SPSB4: variants seen among roughly 807,000 people sequenced by gnomAD.
The protein encoded by SPSB4 is SPRY domain-containing SOCS box protein 4.
Under a neutral mutation model 20.9 loss-of-function variants are expected in SPSB4, and 21 were observed. That is an observed-to-expected ratio of 1.01 (90% CI 0.71 to 1.45). SPSB4 has a LOEUF of 1.45. Ranked by LOEUF, SPSB4 falls within the 40% of genes most tolerant of loss-of-function variation. The pLI, the probability that SPSB4 is intolerant of heterozygous loss-of-function variation, is 0.00. For synonymous variants in SPSB4, 207 were observed against 183.8 expected (o/e 1.13, Z -1.02); for missense variants, 399 against 399.2 (o/e 1.00, Z 0.00).
At chr3:141,134,057 T>TTTTTTTTTTTTTTTTTTTTTTTTTTC (rs1939186010) in intron 2 of SPSB4, among the ~76,000 whole-genome samples, 1 of 64,090 alleles carries the variant, frequency 1.6e-5, no homozygotes, top group African/African-American at 9.0e-5. Flanking sequence ...TTCTTTTTTC[T>TTTTTTTTTTTTTTTTTTTTTTTTTTC]TTTTTTTTTT....
intron 1 of SPSB4, among the ~76,000 whole-genome samples, chr3:141,055,937 G>C (rs1245914288): frequency 6.6e-6 from 1 of 152,242 alleles, no homozygotes; most frequent in Non-Finnish European, 1.5e-5. Context: ...AGGAGAGAAG[G>C]CAGCACTGGA....
At chr3:141,098,711 T>G (rs1938578152) in intron 2 of SPSB4, among the ~76,000 whole-genome samples, 5 of 152,246 alleles carry the variant, frequency 3.3e-5, no homozygotes, top group Admixed American at 3.3e-4. Flanking sequence ...TCAAATCTTC[T>G]GCAGATAATG....
chr3:141,086,336 T>C (rs1252012835), intron 2 of SPSB4, among the ~76,000 whole-genome samples: 2 of 152,210 alleles, frequency 1.3e-5, no homozygotes, highest in African/African-American at 4.8e-5. Context: ...GCAGAGTTTA[T>C]GTTCAAACTG....
chr3:141,113,860 C>A (rs1938843787), intron 2 of SPSB4, among the ~76,000 whole-genome samples: 1 of 152,174 alleles, frequency 6.6e-6, no homozygotes, highest in African/African-American at 2.4e-5. Context: ...TTTTGGGAGG[C>A]CAAGGCGGGC....
chr3:141,080,238 A>C (rs1405611283), intron 2 of SPSB4: 2 of 152,236 alleles, frequency 1.3e-5, no homozygotes, highest in African/African-American at 4.8e-5. Flanking sequence ...CATGAGTGGT[A>C]GAGCTGATTT....
intron 2 of SPSB4, among the ~76,000 whole-genome samples, chr3:141,114,317 G>T (rs990684017): frequency 1.3e-5 from 2 of 152,096 alleles, no homozygotes; most frequent in African/African-American, 4.8e-5. Flanking sequence ...CCAGCTGAGG[G>T]TATCTCACTC....
At chr3:141,053,747 TG>T (rs1239553660) in intron 1 of SPSB4, among the ~76,000 whole-genome samples, 1 of 152,200 alleles carries the variant, frequency 6.6e-6, no homozygotes, top group Non-Finnish European at 1.5e-5. Flanking sequence ...TTTTTTTTAA[TG>T]TATCAAATTA....
intron 2 of SPSB4, among the ~76,000 whole-genome samples, chr3:141,074,920 C>T (rs1938077450): frequency 6.6e-6 from 1 of 152,154 alleles, no homozygotes; most frequent in Non-Finnish European, 1.5e-5. Context: ...AGGCAAAGGC[C>T]CCAGACACAG....
chr3:141,147,487 GAC>G lies in SPSB4; in HGVS notation c.*221_*222del. ...CCCTCGAGGCAGCCCTCCCAAGTCA[GAC>G]ACCTCCTTCGGAGCCACAGAGAGCC... On this transcript the variant is annotated 3_prime_UTR_variant, in exon 3 of 3. Transcript: ENST00000310546. 1.5e-6 allele frequency: 1 copy of G among 673,926 alleles called. No individual in the cohort carries two copies. Among genetic ancestry groups the G allele is most frequent in the East Asian group, 3.0e-5 (1 of 33,872 alleles). The allele number at this position is 673,926 out of a possible 1,614,324, so 41.7% of individuals were successfully genotyped here.
intron 2 of SPSB4, among the ~76,000 whole-genome samples, chr3:141,095,547 C>G (rs1345575390): frequency 6.6e-6 from 1 of 152,052 alleles, no homozygotes; most frequent in Admixed American, 6.5e-5. Context: ...CCCACTGCCC[C>G]AGACATCAGG....
At chr3:141,100,568 C>T (rs1485106764) in intron 2 of SPSB4, among the ~76,000 whole-genome samples, 1 of 152,248 alleles carries the variant, frequency 6.6e-6, no homozygotes. Context: ...GGCTTCCAGC[C>T]TCCAGAACTG....
At chr3:141,105,448 G>C (rs144382229) in intron 2 of SPSB4, among the ~76,000 whole-genome samples, 134 of 152,272 alleles carry the variant, frequency 8.8e-4, no homozygotes, top group African/African-American at 3.0e-3. Flanking sequence ...TTGGGTACTT[G>C]CTATATTATG....
At chr3:141,142,057 C>G (rs1939338871) in intron 2 of SPSB4, among the ~76,000 whole-genome samples, 1 of 151,958 alleles carries the variant, frequency 6.6e-6, no homozygotes, top group South Asian at 2.1e-4. Flanking sequence ...CTGCTGTGAT[C>G]TTTGTTATTT....
chr3:141,144,917 T>C (rs1195755310), intron 2 of SPSB4, among the ~76,000 whole-genome samples: 1 of 152,114 alleles, frequency 6.6e-6, no homozygotes, highest in East Asian at 1.9e-4. Flanking sequence ...AACAGCTCAG[T>C]TTTCCTGATG....
At chr3:141,057,976 A>T (rs1175249255) in intron 1 of SPSB4, among the ~76,000 whole-genome samples, 1 of 152,178 alleles carries the variant, frequency 6.6e-6, no homozygotes, top group Non-Finnish European at 1.5e-5. Flanking sequence ...GCTTTTCAGC[A>T]GCCTGAGATC....
chr3:141,128,211 T>C (rs1223126480), intron 2 of SPSB4, among the ~76,000 whole-genome samples: 1 of 152,062 alleles, frequency 6.6e-6, no homozygotes, highest in African/African-American at 2.4e-5. Context: ...CTGAGGTTGA[T>C]AGTGGCCCAG....
chr3:141,072,312 T>C (rs994836280), intron 2 of SPSB4, among the ~76,000 whole-genome samples: 3 of 152,236 alleles, frequency 2.0e-5, no homozygotes, highest in South Asian at 2.1e-4. Flanking sequence ...GGACATCATA[T>C]GTGCCTATTT....
At chr3:141,079,832 A>T (rs1388655845) in intron 2 of SPSB4, among the ~76,000 whole-genome samples, 1 of 152,152 alleles carries the variant, frequency 6.6e-6, no homozygotes, top group Non-Finnish European at 1.5e-5. Context: ...CTAAATGATG[A>T]GGCAGAGGGA....
intron 2 of SPSB4, among the ~76,000 whole-genome samples, chr3:141,082,072 C>T (rs997111260): frequency 2.0e-5 from 3 of 152,134 alleles, no homozygotes; most frequent in Admixed American, 6.5e-5. Flanking sequence ...CTCTTTTCCT[C>T]CTGACCTGGT....
Sources: allele counts gnomAD v4.1 joint callset (sites outside exome capture counted in the v4.1 genomes callset), GRCh38; gene constraint gnomAD v4.1.1; transcripts MANE v1.5; gene names NCBI Gene and HGNC (gene_info 2026-07-23, HGNC 2026-07-21).